The following SLC2A12 variants were observed in gnomAD, a reference collection of about 807,000 sequenced individuals.
SLC2A12 encodes solute carrier family 2, facilitated glucose transporter member 12.
Under a neutral mutation model 41.8 loss-of-function variants are expected in SLC2A12, and 23 were observed. The ratio of observed to expected loss-of-function variants is 0.55; its 90% CI spans 0.40 to 0.78. The LOEUF (loss-of-function observed/expected upper bound fraction) is 0.78. SLC2A12 is among the 30% of genes least tolerant of loss of function. SLC2A12 has a pLI of 0.00. For missense variants in SLC2A12, 654 were observed against 745.6 expected (o/e 0.88, Z 1.43); for synonymous variants, 295 against 285.9 (o/e 1.03, Z -0.32).
intron 4 of SLC2A12, among the ~76,000 whole-genome samples, chr6:133,995,612 G>A (rs1235648938): frequency 2.0e-5 from 3 of 152,202 alleles, no homozygotes; most frequent in Non-Finnish European, 2.9e-5. Flanking sequence ...CTTAAGGTCC[G>A]TGGTCATGAT....
intron 1 of SLC2A12, among the ~76,000 whole-genome samples, chr6:134,030,104 G>T (rs927261136): frequency 1.3e-5 from 2 of 152,168 alleles, no homozygotes; most frequent in South Asian, 4.1e-4. Context: ...TGACTCTTTG[G>T]TCCCATTCCA....
At chr6:134,026,061 T>G (rs1777108622) in intron 2 of SLC2A12, among the ~76,000 whole-genome samples, 1 of 152,218 alleles carries the variant, frequency 6.6e-6, no homozygotes, top group Non-Finnish European at 1.5e-5. Flanking sequence ...GTCTCTCATA[T>G]TGATCTCATA....
chr6:134,004,167 T>A (rs1776784029), intron 3 of SLC2A12, among the ~76,000 whole-genome samples: 1 of 152,190 alleles, frequency 6.6e-6, no homozygotes, highest in Non-Finnish European at 1.5e-5. Context: ...CCATCCCTCA[T>A]CAATTCCATT....
At chr6:134,052,250 T>TACATACACACAC in intron 1 of SLC2A12, 128 bp downstream of exon 1, 1 of 370,000 alleles carries the variant, frequency 2.7e-6, no homozygotes, top group Non-Finnish European at 4.8e-6. Flanking sequence ...CGCGCGCGCA[T>TACATACACACAC]ACACACACAC....
chr6:134,029,277 T>A lies in SLC2A12; in HGVS notation c.548A>T (p.Tyr183Phe). The A allele has an allele frequency of 6.2e-7, 1 of 1,614,180 alleles. No homozygotes were observed. Among genetic ancestry groups the A allele is most frequent in the Non-Finnish European group, 8.5e-7 (1 of 1,180,038 alleles). ...LMIVIGILSA[Y>F]ISNYAFANVF... is the part of the protein sequence containing the mutation. The stretch of plus-strand genomic sequence containing the variant: ...ATTGGCAAATGCGTAATTTGAAATA[T>A]AGGCAGAAAGAATGCCGATGACAAT... The change falls in exon 2 of 5, where the codon TAT becomes TTT. Residue 183 changes from tyrosine to phenylalanine, a missense_variant. This residue lies in a region of SLC2A12 where 411 missense variants were observed against 412.1 expected (regional missense o/e 1.00). Transcript: ENST00000275230.
Position 134,029,634 on chromosome 6 carries a change from G to C in SLC2A12, c.191C>G (p.Ala64Gly), listed in dbSNP as rs1264941182. ...VGYELGIISG[A>G]LLQIKTLLAL... is the part of the protein sequence containing the mutation. ...TAATAAGGTTTTGATCTGAAGAAGAGCCCCAGAGATGATCCCAAGTTCATA... is the reference window on the plus strand; with the variant it reads ...TAATAAGGTTTTGATCTGAAGAAGACCCCCAGAGATGATCCCAAGTTCATA... Residue 64 changes from alanine (A) to glycine (G), a missense_variant, in exon 2 of 5, where the codon GCT becomes GGT. By Grantham distance (60) the Ala-to-Gly change is moderately conservative. This residue lies in a region of SLC2A12 where 109 missense variants were observed against 153.0 expected (regional missense o/e 0.71). Coordinates refer to ENST00000275230, the MANE Select transcript of SLC2A12 (RefSeq NM_145176.3). 1 of 1,613,706 alleles carries C rather than the reference G, an allele frequency of 6.2e-7. No homozygotes were observed. Among genetic ancestry groups the C allele is most frequent in the Non-Finnish European group, 8.5e-7 (1 of 1,180,008 alleles).
chr6:134,031,572 C>T (rs1484188426), intron 1 of SLC2A12, among the ~76,000 whole-genome samples: 1 of 151,984 alleles, frequency 6.6e-6, no homozygotes, highest in Non-Finnish European at 1.5e-5. Flanking sequence ...GGGCCAACAC[C>T]CATTGAGAGA....
At chr6:134,000,169 A>AT (rs1403575420) in intron 4 of SLC2A12, among the ~76,000 whole-genome samples, 1 of 152,086 alleles carries the variant, frequency 6.6e-6, no homozygotes, top group Admixed American at 6.5e-5. Context: ...TTTTCATTTT[A>AT]TTTTTTTGAA....
intron 4 of SLC2A12, among the ~76,000 whole-genome samples, chr6:133,999,615 A>T (rs1051857282): frequency 6.6e-6 from 1 of 152,178 alleles, no homozygotes; most frequent in African/African-American, 2.4e-5. Flanking sequence ...ATGAGAAGCC[A>T]CTGGGGAGGA....
Position 134,051,099 on chromosome 6 carries a change from A to C in SLC2A12, c.103+1279T>G, listed in dbSNP as rs114187308. 9.2e-3 allele frequency among the ~76,000 whole-genome samples: 1,403 copies of C among 151,984 alleles called. 23 individuals are homozygous for C. The highest frequency in any genetic ancestry group is 0.029 in the African/African-American group (1,214 of 41,428). On this transcript the variant is annotated intron_variant, in intron 1 of 4. Coordinates refer to ENST00000275230, the MANE Select transcript of SLC2A12 (RefSeq NM_145176.3). ...TCAGCTAATTTTTTTATTTTTCTGTATTTTTAGTAGAGATAGGGTTTCCGC... is the reference window on the plus strand; with the variant it reads ...TCAGCTAATTTTTTTATTTTTCTGTCTTTTTAGTAGAGATAGGGTTTCCGC...
intron 4 of SLC2A12, 145 bp from the exon 5 acceptor site, chr6:133,991,453 G>T: frequency 1.1e-6 from 1 of 923,000 alleles, no homozygotes; most frequent in Non-Finnish European, 1.6e-6. Flanking sequence ...GAATCCTGCT[G>T]CATCATGAAA....
chr6:133,991,450 G>C (rs1776622555), intron 4 of SLC2A12, 142 bp from the exon 5 acceptor site: 1 of 929,900 alleles, frequency 1.1e-6, no homozygotes, highest in Non-Finnish European at 1.6e-6. Context: ...TAGGAATCCT[G>C]CTGCATCATG....
chr6:133,997,032 G>T (rs960700117), intron 4 of SLC2A12, among the ~76,000 whole-genome samples: 4 of 140,070 alleles, frequency 2.9e-5, no homozygotes, highest in African/African-American at 1.1e-4. Context: ...ACGAGGTCAG[G>T]AGATCGAGAC....
intron 1 of SLC2A12, among the ~76,000 whole-genome samples, chr6:134,038,700 C>CTTT (rs200794350): frequency 0.029 from 2,412 of 82,054 alleles, 469 homozygotes; most frequent in African/African-American, 0.13. Flanking sequence ...CCTTTCTTTC[C>CTTT]TTTTTTTTTT....
chr6:134,028,319 T>C (rs12196126), intron 2 of SLC2A12, 62 bp downstream of exon 2: 1 of 1,524,784 alleles, frequency 6.6e-7, no homozygotes, highest in African/African-American at 1.4e-5. Flanking sequence ...GTTCATGAGG[T>C]ACTATAGCAG....
intron 1 of SLC2A12, among the ~76,000 whole-genome samples, chr6:134,032,426 T>TATATATATATATATATA (rs1777223371): frequency 2.8e-5 from 1 of 35,506 alleles, no homozygotes; most frequent in Non-Finnish European, 5.8e-5. Flanking sequence ...ATATATATAT[T>TATATATATATATATATA]TATATATATA....
chr6:134,017,972 G>C (rs906517318), intron 2 of SLC2A12, among the ~76,000 whole-genome samples: 1 of 151,898 alleles, frequency 6.6e-6, no homozygotes. Flanking sequence ...TGGTTTCCTA[G>C]GAAGCCCTCT....
intron 1 of SLC2A12, among the ~76,000 whole-genome samples, chr6:134,033,775 G>A (rs986142051): frequency 2.0e-5 from 3 of 152,084 alleles, no homozygotes; most frequent in Non-Finnish European, 4.4e-5. Context: ...GGAAAATACT[G>A]TGTCCCTACA....
rs189783268 is a variant in SLC2A12 at position 134,048,570 on chromosome 6, G to C, written c.103+3808C>G. On this transcript the variant is annotated intron_variant, in intron 1 of 4. Coordinates refer to ENST00000275230, the MANE Select transcript of SLC2A12 (RefSeq NM_145176.3). ...GGTGACAGAGCGAGACTTCATCTCA[G>C]AAAAAACAAAACAACAACAACAAAA... is the stretch of plus-strand genomic sequence containing the variant. 1.5e-4 allele frequency among the ~76,000 whole-genome samples: 23 copies of C among 152,130 alleles called. 1 individual carries two copies. The East Asian group carries it at 3.1e-3, about 20-fold the overall frequency.
Sources: allele counts gnomAD v4.1 joint callset (sites outside exome capture counted in the v4.1 genomes callset), GRCh38; gene constraint gnomAD v4.1.1; regional missense constraint gnomAD v4.1.1; transcripts MANE v1.5; gene names NCBI Gene and HGNC (gene_info 2026-07-23, HGNC 2026-07-21).